Variants in NT5DC2 observed in about 807,000 individuals in gnomAD.
NT5DC2 encodes the protein 5'-nucleotidase domain containing 2.
Under a neutral mutation model 70.0 loss-of-function variants are expected in NT5DC2, and 41 were observed. The observed-to-expected ratio is 0.59, with a 90% CI of 0.46 to 0.76. The LOEUF is 0.76. Among genes scored for constraint, NT5DC2 ranks in the 30% least tolerant of loss-of-function variants. The probability of loss-of-function intolerance (pLI) is 0.00; values close to 1 mark genes in which losing one functional copy is unlikely to be tolerated. For missense variants in NT5DC2, 705 were observed against 783.2 expected, an observed-to-expected ratio of 0.90 and a Z score of 1.19; for synonymous variants, 299 against 310.4, an observed-to-expected ratio of 0.96 and a Z score of 0.39.
In NT5DC2 at chr3:52,528,939, C is replaced by T; in HGVS notation, c.418-4G>A. Reference sequence around the variant, plus strand: ...ACTTCCGAATCCCTTCTGGGTACTGCCGGGGGAAAGGGGCCAGGCCTAAGC... The same window carrying T: ...ACTTCCGAATCCCTTCTGGGTACTGTCGGGGGAAAGGGGCCAGGCCTAAGC... On this transcript the variant is annotated splice_region_variant and splice_polypyrimidine_tract_variant and intron_variant, in intron 2 of 13. Transcript: ENST00000422318. 8 of 1,613,952 alleles carry T rather than the reference C, an allele frequency of 5.0e-6. No homozygotes were observed. The highest frequency in any genetic ancestry group is 6.8e-6 in the Non-Finnish European group (8 of 1,180,010).
Position 52,533,455 on chromosome 3 carries a change from T to C in NT5DC2, c.232+51A>G, listed in dbSNP as rs923964564. ...GGCACCCTGGGGCTCGGTCCGTCCA[T>C]CAGTCCACGCGGAAGACACCCCGGC... On this transcript the variant is annotated intron_variant, in intron 1 of 13. Coordinates refer to ENST00000422318, the MANE Select transcript of NT5DC2 (RefSeq NM_001134231.2). 128 of 1,467,058 alleles carry C rather than the reference T, an allele frequency of 8.7e-5. 1 individual carries two copies. The Middle Eastern group carries it at 3.2e-3, about 36-fold the overall frequency. 90.9% of individuals were successfully genotyped at this position (1,467,058 alleles called of 1,614,324 possible).
chr3:52,524,620 G>A lies in NT5DC2; in HGVS notation c.1524C>T (p.Ala508=). 2 of 1,613,194 alleles carry A rather than the reference G, an allele frequency of 1.2e-6. No individual in the cohort carries two copies. Among genetic ancestry groups the A allele is most frequent in the East Asian group, 2.2e-5 (1 of 44,882 alleles). ...GGTAGTTGAGCAGGCAGCTGAGGGAGGCCATGTAGAGGTCAGAGAAGCGCA... is the reference window on the plus strand; with the variant it reads ...GGTAGTTGAGCAGGCAGCTGAGGGAAGCCATGTAGAGGTCAGAGAAGCGCA... The part of the protein sequence containing the change: ...RLVRFSDLYM[A]SLSCLLNYRV... Residue 508 remains alanine, a synonymous_variant, in exon 14 of 14, where the codon GCC becomes GCT. Transcript: ENST00000422318.
chr3:52,533,169 G>C (rs1428448331), intron 1 of NT5DC2, among the ~76,000 whole-genome samples: 1 of 152,176 alleles, frequency 6.6e-6, no homozygotes, highest in African/African-American at 2.4e-5. Context: ...CCGAGAACAA[G>C]GGGTTGGGGG....
At chr3:52,533,908 GGGGGCGGGAGGCCCCGGACCCGGC>G (rs994959654), upstream of NT5DC2, 9 of 871,676 alleles carry the variant, frequency 1.0e-5, no homozygotes, top group Admixed American at 6.3e-5. Flanking sequence ...CCTCGGCCCG[GGGGGCGGGAGGCCCCGGACCCGGC>G]GGGGCGGGGC....
chr3:52,532,782 C>G (rs2079378193), intron 1 of NT5DC2, among the ~76,000 whole-genome samples: 1 of 152,064 alleles, frequency 6.6e-6, no homozygotes, highest in Non-Finnish European at 1.5e-5. Flanking sequence ...AAGCAGGGCC[C>G]CACTAGACCC....
chr3:52,534,564 C>T (rs766000254), upstream of NT5DC2: 2 of 1,613,668 alleles, frequency 1.2e-6, no homozygotes, highest in South Asian at 1.1e-5. Flanking sequence ...GCGCACGCCC[C>T]TCGTGAGATG....
chr3:52,527,563 G>T, intron 9 of NT5DC2, 54 bp downstream of exon 9: 1 of 1,581,112 alleles, frequency 6.3e-7, no homozygotes, highest in Non-Finnish European at 8.7e-7. Flanking sequence ...CCCCTCATTG[G>T]GGTGGGGCCT....
At chr3:52,525,637 C>T (rs540192362) in intron 10 of NT5DC2, 5 of 274,086 alleles carry the variant, frequency 1.8e-5, no homozygotes, top group Admixed American at 1.5e-4. Flanking sequence ...TCCTTGCTGG[C>T]CTCCCCTGCC....
chr3:52,528,023 C>T lies in NT5DC2; in HGVS notation c.822G>A (p.Glu274=). 1 of 1,612,192 alleles carries T rather than the reference C, an allele frequency of 6.2e-7. No homozygotes were observed. Residue 274 remains glutamate, a synonymous_variant, in exon 7 of 14, where the codon GAG becomes GAA. Coordinates refer to ENST00000422318, the MANE Select transcript of NT5DC2 (RefSeq NM_001134231.2). ...HVKGLMYQWI[E]QDMEKYILRG... ...TCTGTCCACACTTACCCATGTCCTG[C>T]TCGATCCACTGGTACATGAGGCCCT...
chr3:52,534,387 G>A (rs773265508), upstream of NT5DC2: 6 of 1,347,710 alleles, frequency 4.5e-6, 1 homozygote, highest in South Asian at 3.6e-5. Flanking sequence ...CGCGCTTCCC[G>A]GTGCCAGGCC....
At chr3:52,527,261 C>A (rs751849893) in intron 10 of NT5DC2, 33 bp downstream of exon 10, 1 of 1,604,174 alleles carries the variant, frequency 6.2e-7, no homozygotes, top group Non-Finnish European at 8.5e-7. Context: ...CCCATGCCCC[C>A]ACCACATGCT....
chr3:52,527,704 C>T lies in NT5DC2; in HGVS notation c.950G>A (p.Arg317Gln), dbSNP rs780230322. ...SPFSFVDKGM[R>Q]HMVGPDWRQL... ...GCGCCAATCGGGACCCACCATGTGC[C>T]GCATCCCCTTGTCTCTGTGTGGAGG... Residue 317 changes from arginine (R) to glutamine (Q), a missense_variant, in exon 9 of 14, where the codon CGG becomes CAG. By Grantham distance (43) the Arg-to-Gln change is conservative. Coordinates refer to ENST00000422318, the MANE Select transcript of NT5DC2 (RefSeq NM_001134231.2). 22 of 1,613,192 alleles carry T rather than the reference C, an allele frequency of 1.4e-5. No individual in the cohort carries two copies. Among genetic ancestry groups the T allele is most frequent in the Non-Finnish European group, 1.8e-5 (21 of 1,180,038 alleles).
At chr3:52,533,401 AGCCCC>A in intron 1 of NT5DC2, 100 bp downstream of exon 1, 1 of 1,216,034 alleles carries the variant, frequency 8.2e-7, no homozygotes, top group Non-Finnish European at 1.1e-6. Context: ...GGCCCTGGCG[AGCCCC>A]ACTGGGTGTT....
chr3:52,532,247 C>T, intron 1 of NT5DC2: 1 of 985,430 alleles, frequency 1.0e-6, no homozygotes, highest in Non-Finnish European at 1.2e-6. Flanking sequence ...TGCAGGCAGG[C>T]CCAGGAGGAC....
In NT5DC2 at chr3:52,527,709, C is replaced by A; in HGVS notation, c.945G>T (p.Gly315=). ...TNSPFSFVDK[G]MRHMVGPDWR... is the part of the protein sequence containing the mutation. Reference sequence around the variant, plus strand: ...AATCGGGACCCACCATGTGCCGCATCCCCTTGTCTCTGTGTGGAGGAGTTT... The same window carrying A: ...AATCGGGACCCACCATGTGCCGCATACCCTTGTCTCTGTGTGGAGGAGTTT... Residue 315 remains glycine (G), a synonymous_variant, in exon 9 of 14, where the codon GGG becomes GGT. Coordinates refer to ENST00000422318, the MANE Select transcript of NT5DC2 (RefSeq NM_001134231.2). 6.2e-7 allele frequency: 1 copy of A among 1,613,318 alleles called. No individual in the cohort carries two copies. The highest frequency in any genetic ancestry group is 8.5e-7 in the Non-Finnish European group (1 of 1,180,030).
chr3:52,529,005 G>C lies in NT5DC2; in HGVS notation c.418-70C>G. 1 of 1,596,370 alleles carries C rather than the reference G, an allele frequency of 6.3e-7. No homozygotes were observed. Among genetic ancestry groups the C allele is most frequent in the East Asian group, 2.2e-5 (1 of 44,760 alleles). Reference sequence around the variant, plus strand: ...ACCTGCTGGCTGGGTGGCCACCCCAGGGGGTCAATCCAGCCACCTGCCCAG... The same window carrying C: ...ACCTGCTGGCTGGGTGGCCACCCCACGGGGTCAATCCAGCCACCTGCCCAG... On this transcript the variant is annotated intron_variant, in intron 2 of 13. Coordinates refer to ENST00000422318, the MANE Select transcript of NT5DC2 (RefSeq NM_001134231.2). The surrounding 1 kb of genome is among the most constrained non-coding windows in gnomAD (Gnocchi z 4.1).
intron 10 of NT5DC2, chr3:52,526,188 G>A (rs1157720933): frequency 6.6e-6 from 1 of 152,410 alleles, no homozygotes; most frequent in Non-Finnish European, 1.5e-5. Flanking sequence ...AGCTGAGGCT[G>A]GATGCCAAGG....
rs763910935 is a variant in NT5DC2 at position 52,524,400 on chromosome 3, A to T, written c.*70T>A. The T allele has an allele frequency of 6.2e-7, 1 of 1,612,488 alleles. No homozygotes were observed. The highest frequency in any genetic ancestry group is 1.1e-5 in the South Asian group (1 of 91,032). On this transcript the variant is annotated 3_prime_UTR_variant, in exon 14 of 14. Coordinates refer to ENST00000422318, the MANE Select transcript of NT5DC2 (RefSeq NM_001134231.2). Reference sequence around the variant, plus strand: ...CAGAAGCATGCACAGGGAGGAGACCACTTTTATTGCTTGTCTGGGTGGATG... The same window carrying T: ...CAGAAGCATGCACAGGGAGGAGACCTCTTTTATTGCTTGTCTGGGTGGATG...
At chr3:52,527,568 G>A (rs369653856) in intron 9 of NT5DC2, 49 bp downstream of exon 9, 611 of 1,588,630 alleles carry the variant, frequency 3.8e-4, no homozygotes, top group South Asian at 4.7e-4. Flanking sequence ...CATTGGGGTG[G>A]GGCCTCTATT....
Sources: allele counts gnomAD v4.1 joint callset (sites outside exome capture counted in the v4.1 genomes callset), GRCh38; gene constraint gnomAD v4.1.1; non-coding constraint Gnocchi (gnomAD v3.1); transcripts MANE v1.5; gene names NCBI Gene and HGNC (gene_info 2026-07-23, HGNC 2026-07-21).